PIK3C2B: variants seen among roughly 807,000 people sequenced by gnomAD.
The protein encoded by PIK3C2B is phosphatidylinositol-4-phosphate 3-kinase catalytic subunit type 2 beta.
In PIK3C2B, 83 loss-of-function variants were observed where a neutral mutation model predicts 184.3. The observed-to-expected ratio is 0.45, with a 90% CI of 0.38 to 0.54. The LOEUF (loss-of-function observed/expected upper bound fraction) is 0.54, where lower values mean the gene tolerates loss of function less well. Among genes scored for constraint, PIK3C2B ranks in the 20% least tolerant of loss-of-function variants. PIK3C2B has a pLI of 0.00. For synonymous variants in PIK3C2B, 779 were observed against 837.6 expected (o/e 0.93, Z 1.21); for missense variants, 1,736 against 2,113.5 (o/e 0.82, Z 3.50).
rs1161184848 is a variant in PIK3C2B at position 204,494,362 on chromosome 1, T to A, written c.-91A>T. ...CGCAGGATGCGTGTCCTACCTGCGC[T>A]AGCTGCTGGCTCTGCTGCAACATCC... is the stretch of plus-strand genomic sequence containing the variant. On this transcript the variant is annotated 5_prime_UTR_variant, in exon 1 of 33. Coordinates refer to ENST00000684373, the MANE Select transcript of PIK3C2B (RefSeq NM_001377334.1). 1 of 152,402 alleles carries A rather than the reference T, an allele frequency of 6.6e-6. No homozygotes were observed. Among genetic ancestry groups the A allele is most frequent in the African/African-American group, 2.4e-5 (1 of 41,472 alleles). 9.4% of individuals were successfully genotyped at this position (152,402 alleles called of 1,614,324 possible).
At chr1:204,431,829 GC>G in intron 27 of PIK3C2B, 36 bp from the exon 28 acceptor site, 1 of 1,613,898 alleles carries the variant, frequency 6.2e-7, no homozygotes, top group Non-Finnish European at 8.5e-7. Context: ...TACCTGCCGA[GC>G]CCTCTGCACC....
chr1:204,488,671 C>T (rs1657799116), intron 1 of PIK3C2B, among the ~76,000 whole-genome samples: 2 of 152,164 alleles, frequency 1.3e-5, no homozygotes, highest in Non-Finnish European at 1.5e-5. Context: ...GATTAAACTG[C>T]TTTCAGTTCA....
chr1:204,477,286 C>A (rs112596162), intron 1 of PIK3C2B, among the ~76,000 whole-genome samples: 3 of 152,236 alleles, frequency 2.0e-5, no homozygotes, highest in African/African-American at 7.2e-5. Context: ...CTTCAGTAGC[C>A]CCTAAAGTGA....
At position 204,457,746 on chromosome 1, in the gene PIK3C2B, C is replaced by T. The variant is rs895529115; in HGVS notation, c.1695G>A (p.Met565Ile). ...LNQLPPCPSRMQPKIQKDPSV... is the reference protein window; with the variant it reads ...LNQLPPCPSRIQPKIQKDPSV... ...CCTTTACCTTCTGAATTTTAGGCTG[C>T]ATGCGGGAGGGGCAGGGGGGCAGCT... The change falls in exon 9 of 33, where the codon ATG (methionine) becomes ATA (isoleucine). Residue 565 changes from methionine to isoleucine, a missense_variant. By Grantham distance (10) the Met-to-Ile change is conservative. Coordinates refer to ENST00000684373, the MANE Select transcript of PIK3C2B (RefSeq NM_001377334.1). 1.9e-6 allele frequency: 3 copies of T among 1,608,748 alleles called. No individual in the cohort carries two copies. Among genetic ancestry groups the T allele is most frequent in the Non-Finnish European group, 2.5e-6 (3 of 1,177,864 alleles).
At chr1:204,454,087 TTA>T (rs1654605869) in intron 12 of PIK3C2B, among the ~76,000 whole-genome samples, 1 of 151,632 alleles carries the variant, frequency 6.6e-6, no homozygotes, top group African/African-American at 2.4e-5. Context: ...CAACTAAAAT[TTA>T]TATGTTTTTT....
intron 1 of PIK3C2B, among the ~76,000 whole-genome samples, chr1:204,473,118 C>T (rs1656425805): frequency 1.3e-5 from 2 of 152,226 alleles, no homozygotes; most frequent in Admixed American, 1.3e-4. Flanking sequence ...GAAAAAGGCT[C>T]AGATAGACTC....
intron 2 of PIK3C2B, among the ~76,000 whole-genome samples, chr1:204,466,345 A>G (rs2103511806): frequency 6.6e-6 from 1 of 152,116 alleles, no homozygotes; most frequent in South Asian, 2.1e-4. Flanking sequence ...CTCTCACCCA[A>G]CCTCTTGGCT....
In PIK3C2B at chr1:204,465,292, T is replaced by C; in HGVS notation, c.961A>G (p.Asn321Asp). The change falls in exon 3 of 33, where the codon AAT becomes GAT. Residue 321 changes from asparagine (N) to aspartate (D), a missense_variant. This residue lies in a region of PIK3C2B where 404 missense variants were observed against 418.0 expected (regional missense o/e 0.97). Transcript: ENST00000684373. ...GAGACCTCAAACAACTCATGGCCATTGGCAACAGTGTGGGGCCGGGAGCCC... is the reference window on the plus strand; with the variant it reads ...GAGACCTCAAACAACTCATGGCCATCGGCAACAGTGTGGGGCCGGGAGCCC... ...PVGSRPHTVANGHELFEVSEE... is the reference protein window; with the variant it reads ...PVGSRPHTVADGHELFEVSEE... 1.9e-6 allele frequency: 3 copies of C among 1,551,128 alleles called. No individual in the cohort carries two copies. The highest frequency in any genetic ancestry group is 2.2e-5 in the South Asian group (2 of 89,970).
rs1215558412 is a variant in PIK3C2B, at chr1:204,486,427, C to CA, written c.-85+7928dup. ...AAAAAAAAAAGAAAACAAAACACAA[C>CA]AAAAAAAAAACGAATAAAGATGGCT... On this transcript the variant is annotated intron_variant, in intron 1 of 32. Coordinates refer to ENST00000684373, the MANE Select transcript of PIK3C2B (RefSeq NM_001377334.1). Among the ~76,000 whole-genome samples, 654 of 129,482 alleles carry CA rather than the reference C, an allele frequency of 5.1e-3. 4 individuals are homozygous for CA. Among genetic ancestry groups the CA allele is most frequent in the Admixed American group, 9.3e-3 (117 of 12,618 alleles). 84.9% of individuals were successfully genotyped at this position (129,482 alleles called of 152,430 possible).
chr1:204,428,591 T>A (rs61758012), intron 29 of PIK3C2B, among the ~76,000 whole-genome samples: 6,214 of 152,166 alleles, frequency 0.041, 315 homozygotes, highest in African/African-American at 0.1. Context: ...AGTGGGGCGA[T>A]CTCAGCTCAC....
rs113060235 is a variant in PIK3C2B at position 204,446,057 on chromosome 1, G to A, written c.2577C>T (p.Ser859=). The A allele has an allele frequency of 5.2e-4, 826 of 1,601,120 alleles. 6 individuals are homozygous for A. The African/African-American group carries it at 8.7e-3, about 17-fold the overall frequency. ...GGCAAGCCCACTCCCAGCTGGGGGCGCTGGCGAGCACCAGGGGGAGCGAGC... is the reference window on the plus strand; with the variant it reads ...GGCAAGCCCACTCCCAGCTGGGGGCACTGGCGAGCACCAGGGGGAGCGAGC... ...EVSSLPLVLA[S]APSWEWACLP... The change falls in exon 16 of 33, where the codon AGC becomes AGT. Residue 859 remains serine, a synonymous_variant. Transcript: ENST00000684373.
Position 204,446,161 on chromosome 1 carries a change from AAGG to A in PIK3C2B, c.2490-20_2490-18del, listed in dbSNP as rs1653845422. On this transcript the variant is annotated intron_variant, in intron 15 of 32. Coordinates refer to ENST00000684373, the MANE Select transcript of PIK3C2B (RefSeq NM_001377334.1). ...TCAGTGAGCCTGGTGGGCACACGGAAAGGAGAAGGTGGTGGGAGGGTAGGGGGC... is the reference window on the plus strand; with the variant it reads ...TCAGTGAGCCTGGTGGGCACACGGAAAGAAGGTGGTGGGAGGGTAGGGGGC... 4 of 1,528,808 alleles carry A rather than the reference AAGG, an allele frequency of 2.6e-6. No homozygotes were observed. The highest frequency in any genetic ancestry group is 2.7e-6 in the Non-Finnish European group (3 of 1,130,530). The allele number at this position is 1,528,808 out of a possible 1,614,324, so 94.7% of individuals were successfully genotyped here. A position where few individuals can be genotyped will look rare whatever the true frequency, so the allele number is the denominator to read the frequency against.
chr1:204,465,138 TA>T (rs1655643600), intron 3 of PIK3C2B, 80 bp downstream of exon 3: 1 of 841,414 alleles, frequency 1.2e-6, no homozygotes, highest in African/African-American at 1.7e-5. Flanking sequence ...TCTTCCCTCC[TA>T]AAGAAAGTTT....
chr1:204,443,382 T>C, intron 19 of PIK3C2B, 35 bp downstream of exon 19: 2 of 1,578,028 alleles, frequency 1.3e-6, no homozygotes, highest in Admixed American at 1.7e-5. Context: ...AAGCCCTGGA[T>C]GAGAAATGGG....
At chr1:204,466,904 G>C (rs762293746) in intron 2 of PIK3C2B, 1 of 533,272 alleles carries the variant, frequency 1.9e-6, no homozygotes, top group Non-Finnish European at 3.8e-6. Flanking sequence ...CGCTGGCCTG[G>C]GATAAGGAGG....
intron 1 of PIK3C2B, among the ~76,000 whole-genome samples, chr1:204,476,094 C>T (rs1656686278): frequency 6.6e-6 from 1 of 152,188 alleles, no homozygotes; most frequent in African/African-American, 2.4e-5. Context: ...GATGGAAACA[C>T]AGGAGCAACC....
intron 1 of PIK3C2B, among the ~76,000 whole-genome samples, chr1:204,479,781 C>T (rs1656989424): frequency 6.6e-6 from 1 of 152,224 alleles, no homozygotes; most frequent in African/African-American, 2.4e-5. Context: ...AGCTCATGCC[C>T]TTGGGAATCC....
chr1:204,432,115 G>A, intron 27 of PIK3C2B, 85 bp downstream of exon 27: 1 of 1,222,356 alleles, frequency 8.2e-7, no homozygotes, highest in Non-Finnish European at 1.2e-6. Context: ...TGTGCCCACT[G>A]TGCAAGTGTG....
rs1656092426 is a variant in PIK3C2B at position 204,469,237 on chromosome 1, A to G, written c.566T>C (p.Ile189Thr). Residue 189 changes from isoleucine (I) to threonine (T), a missense_variant, in exon 2 of 33, where the codon ATC becomes ACC. Coordinates refer to ENST00000684373, the MANE Select transcript of PIK3C2B (RefSeq NM_001377334.1). ...TTGTTCGACCAAAGAGAAAGTGTTGATGTCACTGGGCTGGGAGATCTTGGA... is the reference window on the plus strand; with the variant it reads ...TTGTTCGACCAAAGAGAAAGTGTTGGTGTCACTGGGCTGGGAGATCTTGGA... ...SSSKISQPSD[I>T]NTFSLVEQLP... The G allele has an allele frequency of 2.5e-6, 4 of 1,594,918 alleles. No individual in the cohort carries two copies. The East Asian group carries it at 9.0e-5, about 36-fold the overall frequency.
Sources: gnomAD v4.1 joint callset for allele counts (sites outside exome capture counted in the v4.1 genomes callset) on GRCh38, gnomAD v4.1.1 for gene constraint, gnomAD v4.1.1 regional missense constraint, MANE v1.5 for transcripts, NCBI Gene and HGNC (gene_info 2026-07-23, HGNC 2026-07-21) for gene names.